The following KCNH7 variants were observed in gnomAD, a reference collection of about 807,000 sequenced individuals.
KCNH7 encodes the protein voltage-gated inwardly rectifying potassium channel KCNH7.
A neutral mutation model predicts 120.8 loss-of-function variants in KCNH7; 49 were observed. The ratio of observed to expected loss-of-function variants is 0.41; its 90% confidence interval spans 0.32 to 0.51. The LOEUF is 0.51. KCNH7 is among the 20% of genes least tolerant of loss of function. The pLI is 0.38. For synonymous variants in KCNH7, 547 were observed against 516.1 expected, an observed-to-expected ratio of 1.06 and a Z score of -0.81; for missense variants, 1,097 against 1,446.6, an observed-to-expected ratio of 0.76 and a Z score of 3.92.
chr2:162,413,772 T>G (rs1452042224), intron 9 of KCNH7, among the ~76,000 whole-genome samples: 1 of 151,660 alleles, frequency 6.6e-6, no homozygotes, highest in Admixed American at 6.6e-5. Flanking sequence ...ACCAATTAGA[T>G]AATATTAAAA....
At chr2:162,424,445 T>C (rs1687796641) in intron 8 of KCNH7, among the ~76,000 whole-genome samples, 1 of 152,228 alleles carries the variant, frequency 6.6e-6, no homozygotes, top group Non-Finnish European at 1.5e-5. Context: ...CATCACGATA[T>C]ATATTCTGAA....
At chr2:162,471,102 A>ACACTGC in intron 6 of KCNH7, among the ~76,000 whole-genome samples, 2 of 152,266 alleles carry the variant, frequency 1.3e-5, no homozygotes, top group East Asian at 3.9e-4. Flanking sequence ...AGGGACACAA[A>ACACTGC]CACTGCGGAG....
chr2:162,653,662 T>A (rs1684644457), intron 2 of KCNH7, among the ~76,000 whole-genome samples: 1 of 152,144 alleles, frequency 6.6e-6, no homozygotes, highest in African/African-American at 2.4e-5. Flanking sequence ...ACAATTTGTG[T>A]GGAACTACAG....
chr2:162,432,654 A>T (rs1688108756), intron 8 of KCNH7, among the ~76,000 whole-genome samples: 1 of 152,040 alleles, frequency 6.6e-6, no homozygotes, highest in Admixed American at 6.6e-5. Context: ...AGGCATTGAA[A>T]GATCATACTT....
intron 2 of KCNH7, among the ~76,000 whole-genome samples, chr2:162,834,789 C>T (rs1158209213): frequency 3.3e-5 from 5 of 152,076 alleles, no homozygotes; most frequent in African/African-American, 1.2e-4. Context: ...ATAACTCCTA[C>T]TTGAAAACAC....
At position 162,379,843 on chromosome 2, in the gene KCNH7, C is replaced by G. The variant is rs1286130487; in HGVS notation, c.3131+10G>C. ...GGTTATGTTCTCCTTTTGCCCATCACTGCTTATACCTGTTAAGTTGCTCCT... is the reference window on the plus strand; with the variant it reads ...GGTTATGTTCTCCTTTTGCCCATCAGTGCTTATACCTGTTAAGTTGCTCCT... On this transcript the variant is annotated intron_variant, in intron 14 of 15. Transcript: ENST00000332142. 2 of 1,613,178 alleles carry G rather than the reference C, an allele frequency of 1.2e-6. No homozygotes were observed. Among genetic ancestry groups the G allele is most frequent in the African/African-American group, 1.3e-5 (1 of 75,004 alleles).
intron 2 of KCNH7, among the ~76,000 whole-genome samples, chr2:162,719,954 T>C (rs1220454749): frequency 6.6e-6 from 1 of 152,056 alleles, no homozygotes; most frequent in African/African-American, 2.4e-5. Flanking sequence ...AGCTGTTAGC[T>C]ATGGCCAAGA....
At chr2:162,501,671 C>T (rs529885765) in intron 6 of KCNH7, among the ~76,000 whole-genome samples, 1 of 152,106 alleles carries the variant, frequency 6.6e-6, no homozygotes, top group East Asian at 1.9e-4. Context: ...TAAGCTCCAT[C>T]TTTTCATTGT....
At chr2:162,833,283 AAT>A (rs71762802) in intron 2 of KCNH7, among the ~76,000 whole-genome samples, 7,193 of 147,070 alleles carry the variant, frequency 0.049, 244 homozygotes, top group African/African-American at 0.095. Flanking sequence ...GGCTAACTAA[AAT>A]ATTTTTTTTT....
chr2:162,492,865 G>GTTTTTTTTTT (rs67006443), intron 6 of KCNH7, among the ~76,000 whole-genome samples: 16 of 57,208 alleles, frequency 2.8e-4, no homozygotes, highest in Admixed American at 4.2e-4. Context: ...CTTGGATCTT[G>GTTTTTTTTTT]TTTTTTTTTT....
At position 162,371,978 on chromosome 2, in the gene KCNH7, T is replaced by G. The variant is rs1344705911; in HGVS notation, c.3442A>C (p.Ser1148Arg). Reference protein sequence around the residue: ...DNLTSLLKQDSDLSLELHLRQ... With the variant: ...DNLTSLLKQDRDLSLELHLRQ... ...AGGTGAAGCTCTAAAGAGAGATCAC[T>G]GTCTTGTTTTAAAAGTGAAGTCAAG... Residue 1148 changes from serine to arginine, a missense_variant, in exon 16 of 16, where the codon AGT (serine) becomes CGT (arginine). Ser to Arg is a moderately radical substitution (Grantham distance 110). Around this residue, in one of 8 missense-constraint regions of KCNH7, gnomAD observed 406 missense variants for 410.5 expected, o/e 0.99. Transcript: ENST00000332142. The G allele has an allele frequency of 2.5e-6, 4 of 1,613,874 alleles. No individual in the cohort carries two copies. The highest frequency in any genetic ancestry group is 1.7e-6 in the Non-Finnish European group (2 of 1,179,878).
intron 3 of KCNH7, among the ~76,000 whole-genome samples, chr2:162,521,451 G>A (rs752715168): frequency 2.0e-5 from 3 of 151,794 alleles, no homozygotes; most frequent in South Asian, 2.1e-4. Context: ...TCTATACCAC[G>A]TCCTCTCTAC....
intron 6 of KCNH7, among the ~76,000 whole-genome samples, chr2:162,454,584 GC>G (rs1209252354): frequency 6.6e-6 from 1 of 152,104 alleles, no homozygotes; most frequent in Non-Finnish European, 1.5e-5. Flanking sequence ...CCATCCATGA[GC>G]ATGGAATGTT....
chr2:162,612,244 C>T (rs369149839), intron 2 of KCNH7, among the ~76,000 whole-genome samples: 13 of 152,192 alleles, frequency 8.5e-5, no homozygotes, highest in African/African-American at 2.6e-4. Flanking sequence ...GTTTGCCAAT[C>T]TTGGCAACTA....
intron 2 of KCNH7, among the ~76,000 whole-genome samples, chr2:162,562,610 G>A (rs568504837): frequency 1.3e-5 from 2 of 152,340 alleles, no homozygotes; most frequent in East Asian, 3.9e-4. Context: ...AGGTGAACTT[G>A]CCTCTCACTG....
At chr2:162,577,348 C>CTAT (rs1257647069) in intron 2 of KCNH7, among the ~76,000 whole-genome samples, 30 of 131,432 alleles carry the variant, frequency 2.3e-4, no homozygotes, top group African/African-American at 8.3e-4. Flanking sequence ...ATCTATCCAT[C>CTAT]CTATCTATCT....
intron 2 of KCNH7, among the ~76,000 whole-genome samples, chr2:162,739,632 A>T (rs886230778): frequency 2.0e-5 from 3 of 152,124 alleles, no homozygotes; most frequent in African/African-American, 7.2e-5. Flanking sequence ...TGGGACCTGC[A>T]GTGAGCCATC....
rs1001403571 is a variant in KCNH7, at chr2:162,558,175, C to T, written c.308-21095G>A. Among the ~76,000 whole-genome samples the T allele has an allele frequency of 3.4e-5, 5 of 145,548 alleles. No individual in the cohort carries two copies. In the South Asian group the frequency reaches 8.7e-4, roughly 25 times the overall value. On this transcript the variant is annotated intron_variant, in intron 2 of 15. Transcript: ENST00000332142. ...ATGTGGGTTTTGTGTCCTCAAGCCT[C>T]TTTTTTTTTTTTCTTTTTTTGAGAC...
At chr2:162,712,688 A>G (rs1202671198) in intron 2 of KCNH7, among the ~76,000 whole-genome samples, 2 of 152,172 alleles carry the variant, frequency 1.3e-5, no homozygotes, top group Non-Finnish European at 2.9e-5. Flanking sequence ...TAGTATATGA[A>G]TACTTTAATA....
Sources: gnomAD v4.1 joint callset for allele counts (sites outside exome capture counted in the v4.1 genomes callset) on GRCh38, gnomAD v4.1.1 for gene constraint, gnomAD v4.1.1 regional missense constraint, MANE v1.5 for transcripts, NCBI Gene and HGNC (gene_info 2026-07-23, HGNC 2026-07-21) for gene names.